The following KIAA0825 variants were observed in gnomAD, a reference collection of about 807,000 sequenced individuals.
KIAA0825 encodes KIAA0825.
In KIAA0825, 119 loss-of-function variants were observed where a neutral mutation model predicts 147.6. The ratio of observed to expected loss-of-function variants is 0.81; its 90% confidence interval spans 0.69 to 0.94. KIAA0825 has a LOEUF of 0.94. KIAA0825 is among the 40% of genes least tolerant of loss of function. The pLI is 0.00. For missense variants in KIAA0825, 1,381 were observed against 1,472.7 expected (o/e 0.94, Z 1.02); for synonymous variants, 470 against 518.1 (o/e 0.91, Z 1.26).
At chr5:94,437,623 A>G (rs73773669) in intron 14 of KIAA0825, among the ~76,000 whole-genome samples, 1 of 152,338 alleles carries the variant, frequency 6.6e-6, no homozygotes, top group African/African-American at 2.4e-5. Flanking sequence ...ATTCATTTGT[A>G]AGAGAACATG....
intron 14 of KIAA0825, among the ~76,000 whole-genome samples, chr5:94,426,069 C>T (rs1217655741): frequency 1.4e-5 from 2 of 147,570 alleles, no homozygotes; most frequent in African/African-American, 2.5e-5. Flanking sequence ...GAAGGTCTTG[C>T]TATGTTGCCC....
At chr5:94,369,589 A>G (rs1411150484) in intron 20 of KIAA0825, among the ~76,000 whole-genome samples, 1 of 152,196 alleles carries the variant, frequency 6.6e-6, no homozygotes, top group Non-Finnish European at 1.5e-5. Context: ...GAAAGAAGAA[A>G]TCAGAACATC....
At chr5:94,484,974 T>A in intron 5 of KIAA0825, 44 bp from the exon 6 acceptor site, 1 of 1,267,098 alleles carries the variant, frequency 7.9e-7, no homozygotes, top group Non-Finnish European at 1.0e-6. Context: ...TTTATTTACC[T>A]TCTTAGTAAA....
intron 18 of KIAA0825, among the ~76,000 whole-genome samples, chr5:94,386,846 T>C (rs891171886): frequency 6.6e-6 from 1 of 152,212 alleles, no homozygotes; most frequent in Non-Finnish European, 1.5e-5. Flanking sequence ...ACTCTGATAT[T>C]TTACTGCAAG....
At chr5:94,357,440 A>G (rs1412804143) in intron 20 of KIAA0825, among the ~76,000 whole-genome samples, 1 of 152,262 alleles carries the variant, frequency 6.6e-6, no homozygotes, top group East Asian at 1.9e-4. Flanking sequence ...TTCTTTTTCA[A>G]GAAATTCAAG....
Position 94,417,222 on chromosome 5 carries a change from C to T in KIAA0825, c.2641G>A (p.Asp881Asn). ...ATACCTGGGATGTTATATAAAAAGT[C>T]CCATAATTGCTCTTCTTCCATGTAG... The part of the protein sequence containing the change: ...VSYMEEEQLW[D>N]FLYNIPVSTC... Residue 881 changes from aspartate (D) to asparagine (N), a missense_variant, in exon 15 of 21, where the codon GAC (aspartate) becomes AAC (asparagine). Asp to Asn is a conservative substitution (Grantham distance 23). Coordinates refer to ENST00000682413, the MANE Select transcript of KIAA0825 (RefSeq NM_001145678.3). 1.9e-6 allele frequency: 3 copies of T among 1,550,708 alleles called. No individual in the cohort carries two copies. Among genetic ancestry groups the T allele is most frequent in the Non-Finnish European group, 2.6e-6 (3 of 1,146,382 alleles).
Position 94,322,878 on chromosome 5 carries a change from G to C in KIAA0825, c.3710+61490C>G, listed in dbSNP as rs372271330. 4.9e-4 allele frequency among the ~76,000 whole-genome samples: 73 copies of C among 150,224 alleles called. 1 individual carries two copies. The highest frequency in any genetic ancestry group is 1.7e-3 in the African/African-American group (68 of 41,058). On this transcript the variant is annotated intron_variant, in intron 20 of 20. Coordinates refer to ENST00000682413, the MANE Select transcript of KIAA0825 (RefSeq NM_001145678.3). ...TCATTTTTATTGATAATCATAGATT[G>C]AGGTGGAAAGGACAGCAAGGGCATT... is the stretch of plus-strand genomic sequence containing the variant.
intron 20 of KIAA0825, among the ~76,000 whole-genome samples, chr5:94,244,592 C>T (rs1413255152): frequency 2.0e-5 from 3 of 152,178 alleles, no homozygotes; most frequent in African/African-American, 7.2e-5. Flanking sequence ...CCATCTCAGC[C>T]TCCCACATAG....
intron 2 of KIAA0825, among the ~76,000 whole-genome samples, chr5:94,571,238 T>C (rs1218015845): frequency 6.6e-6 from 1 of 152,242 alleles, no homozygotes; most frequent in East Asian, 1.9e-4. Context: ...GTTTGTAACT[T>C]AATTTACAAT....
At chr5:94,487,301 G>C (rs1422140317) in intron 5 of KIAA0825, among the ~76,000 whole-genome samples, 2 of 152,062 alleles carry the variant, frequency 1.3e-5, no homozygotes, top group Non-Finnish European at 2.9e-5. Context: ...AATGATTATG[G>C]GAGCTGCCCA....
chr5:94,352,888 G>T (rs1476809702), intron 20 of KIAA0825, among the ~76,000 whole-genome samples: 1 of 150,962 alleles, frequency 6.6e-6, no homozygotes, highest in Non-Finnish European at 1.5e-5. Flanking sequence ...GGATGCGAAG[G>T]CATAAGAATG....
chr5:94,279,379 A>G (rs1381937701), intron 20 of KIAA0825, among the ~76,000 whole-genome samples: 2 of 152,086 alleles, frequency 1.3e-5, no homozygotes, highest in African/African-American at 2.4e-5. Context: ...TAGACAATCT[A>G]TTGAAACCCA....
At chr5:94,365,668 C>T (rs1745742455) in intron 20 of KIAA0825, among the ~76,000 whole-genome samples, 2 of 152,170 alleles carry the variant, frequency 1.3e-5, no homozygotes, top group Admixed American at 1.3e-4. Flanking sequence ...CTTGTTCAAT[C>T]CTAGATGTAG....
intron 1 of KIAA0825, among the ~76,000 whole-genome samples, chr5:94,584,461 GA>G (rs1197098175): frequency 3.3e-5 from 5 of 152,152 alleles, no homozygotes; most frequent in African/African-American, 9.7e-5. Context: ...CCAAATTAAT[GA>G]AATAAAGCGA....
chr5:94,485,624 CAAAG>C (rs995335268), intron 5 of KIAA0825, among the ~76,000 whole-genome samples: 160 of 150,198 alleles, frequency 1.1e-3, no homozygotes, highest in African/African-American at 3.6e-3. Context: ...TAAAATTTTG[CAAAG>C]AAAGAGAGAG....
chr5:94,517,788 G>C (rs1294863803), intron 5 of KIAA0825, among the ~76,000 whole-genome samples: 2 of 151,568 alleles, frequency 1.3e-5, no homozygotes, highest in East Asian at 3.9e-4. Flanking sequence ...CACTAAAGTT[G>C]AAGAAGTATA....
At chr5:94,494,777 C>A (rs1482488375) in intron 5 of KIAA0825, among the ~76,000 whole-genome samples, 1 of 152,118 alleles carries the variant, frequency 6.6e-6, no homozygotes, top group East Asian at 1.9e-4. Context: ...ACTTAAAACT[C>A]AGTTAACAAT....
At chr5:94,203,001 C>T (rs182618340) in intron 20 of KIAA0825, among the ~76,000 whole-genome samples, 19 of 152,230 alleles carry the variant, frequency 1.2e-4, no homozygotes, top group Non-Finnish European at 2.4e-4. Context: ...CCTATCTGTC[C>T]TCAGGTGAAC....
At chr5:94,331,386 C>A (rs1246250708) in intron 20 of KIAA0825, among the ~76,000 whole-genome samples, 2 of 152,010 alleles carry the variant, frequency 1.3e-5, no homozygotes, top group Non-Finnish European at 2.9e-5. Context: ...TAATAGATAA[C>A]AAGAATAGGT....
Sources: gnomAD v4.1 joint callset for allele counts (sites outside exome capture counted in the v4.1 genomes callset) on GRCh38, gnomAD v4.1.1 for gene constraint, MANE v1.5 for transcripts, NCBI Gene and HGNC (gene_info 2026-07-23, HGNC 2026-07-21) for gene names.